Variants in ZKSCAN4 observed in about 807,000 individuals in gnomAD.
ZKSCAN4 encodes the protein zinc finger with KRAB and SCAN domains 4.
ZKSCAN4 carries 23 observed loss-of-function variants against 30.8 expected under a neutral mutation model. That is an observed-to-expected ratio of 0.75 (90% CI 0.54 to 1.06). ZKSCAN4 has a LOEUF of 1.06. Among genes scored for constraint, ZKSCAN4 ranks in the 50% least tolerant of loss-of-function variants. The probability of loss-of-function intolerance (pLI) is 0.00; values close to 1 mark genes in which losing one functional copy is unlikely to be tolerated. For synonymous variants in ZKSCAN4, 208 were observed against 252.5 expected, an observed-to-expected ratio of 0.82 and a Z score of 1.67; for missense variants, 556 against 665.4, an observed-to-expected ratio of 0.84 and a Z score of 1.81.
In ZKSCAN4 at chr6:28,245,125, AAG is replaced by A; in HGVS notation, c.1627_1628del (p.Leu543PhefsTer19). 2 of 1,611,908 alleles carry A rather than the reference AAG, an allele frequency of 1.2e-6. No homozygotes were observed. Among genetic ancestry groups the A allele is most frequent in the Non-Finnish European group, 1.7e-6 (2 of 1,178,928 alleles). On this transcript the variant is annotated frameshift_variant, in exon 5 of 5. Transcript: ENST00000377294. LOFTEE classifies it high-confidence loss of function. The part of the protein sequence containing the change: ...HQRSHVGKKT[L>X]SQ ...GCATGAATACCATGGGTCACTGTGAAAGAGTTTTTTTCCCTACATGGCTTCTC... is the reference window on the plus strand; with the variant it reads ...GCATGAATACCATGGGTCACTGTGAAAGTTTTTTTCCCTACATGGCTTCTC...
intron 2 of ZKSCAN4, among the ~76,000 whole-genome samples, chr6:28,248,826 CAA>C (rs1208495527): frequency 2.2e-4 from 11 of 51,012 alleles, no homozygotes; most frequent in Admixed American, 8.6e-4. Flanking sequence ...ACCCCCATCT[CAA>C]AAAAAAAAAA....
intron 3 of ZKSCAN4, 44 bp from the exon 4 acceptor site, chr6:28,247,136 T>G: frequency 6.5e-7 from 1 of 1,532,620 alleles, no homozygotes; most frequent in Non-Finnish European, 8.8e-7. Context: ...TGCCCAAAAT[T>G]ACCCCCAAAG....
rs1314934249 is a variant in ZKSCAN4, at chr6:28,249,152, A to AT, written c.571+534dup. 2.0e-5 allele frequency among the ~76,000 whole-genome samples: 3 copies of AT among 152,018 alleles called. No homozygotes were observed. The highest frequency in any genetic ancestry group is 7.3e-5 in the African/African-American group (3 of 41,370). On this transcript the variant is annotated intron_variant, in intron 2 of 4. Coordinates refer to ENST00000377294, the MANE Select transcript of ZKSCAN4 (RefSeq NM_019110.5). This position sits in a 1 kb window ranked among gnomAD's most constrained non-coding sequence, Gnocchi z 4.1. ...ACACACAGCTGCTTCCTATTAAGTG[A>AT]TTTTCACTCTTCTAGTCACAGGCTT...
intron 3 of ZKSCAN4, 47 bp from the exon 4 acceptor site, chr6:28,247,139 C>T (rs761805082): frequency 9.2e-6 from 14 of 1,526,556 alleles, no homozygotes; most frequent in Non-Finnish European, 8.8e-6. Context: ...CCAAAATTAC[C>T]CCCAAAGCAA....
intron 4 of ZKSCAN4, among the ~76,000 whole-genome samples, chr6:28,246,417 G>A (rs901992429): frequency 1.4e-4 from 22 of 152,080 alleles, no homozygotes; most frequent in African/African-American, 4.3e-4. Context: ...GACATGGACC[G>A]TCATCTCTAA....
chr6:28,255,574 G>A (rs1761152155), upstream of ZKSCAN4, among the ~76,000 whole-genome samples: 1 of 152,064 alleles, frequency 6.6e-6, no homozygotes, highest in South Asian at 2.1e-4. Context: ...ATACTTGCAA[G>A]TCATGACAAG....
At chr6:28,248,966 G>C (rs190809075) in intron 2 of ZKSCAN4, among the ~76,000 whole-genome samples, 39 of 152,296 alleles carry the variant, frequency 2.6e-4, no homozygotes, top group Middle Eastern at 6.8e-3. Flanking sequence ...AGAAACCTTA[G>C]GTTTCCCTAC....
upstream of ZKSCAN4, among the ~76,000 whole-genome samples, chr6:28,252,806 C>G (rs561210957): frequency 3.0e-4 from 45 of 152,252 alleles, no homozygotes; most frequent in Non-Finnish European, 6.0e-4. Context: ...CCCCCACTCA[C>G]CACTTTGCAC....
rs1181439555 is a variant in ZKSCAN4, at chr6:28,251,282, T to C, written c.423+276A>G. On this transcript the variant is annotated intron_variant, in intron 1 of 4. Coordinates refer to ENST00000377294, the MANE Select transcript of ZKSCAN4 (RefSeq NM_019110.5). This position sits in a 1 kb window ranked among gnomAD's most constrained non-coding sequence, Gnocchi z 4.5. ...TAGGTCTTATTATTTAGTGCAGTAA[T>C]AAAAATCCACATATATGACTTTAAT... 2.6e-5 allele frequency among the ~76,000 whole-genome samples: 4 copies of C among 152,212 alleles called. No individual in the cohort carries two copies. The highest frequency in any genetic ancestry group is 9.6e-5 in the African/African-American group (4 of 41,454).
In ZKSCAN4 at chr6:28,245,132, T is replaced by G. The variant is rs1326133623; in HGVS notation, c.1622A>C (p.Lys541Thr). 1 of 1,613,868 alleles carries G rather than the reference T, an allele frequency of 6.2e-7. No individual in the cohort carries two copies. The highest frequency in any genetic ancestry group is 1.3e-5 in the African/African-American group (1 of 74,890). Residue 541 changes from lysine (K) to threonine (T), a missense_variant, in exon 5 of 5, where the codon AAA becomes ACA. Lys to Thr is a moderately conservative substitution (Grantham distance 78). Transcript: ENST00000377294. Reference protein sequence around the residue: ...VQHQRSHVGKKTLSQ With the variant: ...VQHQRSHVGKTTLSQ ...TACCATGGGTCACTGTGAAAGAGTT[T>G]TTTTCCCTACATGGCTTCTCTGATG...
chr6:28,245,698 G>A lies in ZKSCAN4; in HGVS notation c.1056C>T (p.Asp352=), dbSNP rs147494561. 7.4e-6 allele frequency: 12 copies of A among 1,613,518 alleles called. No individual in the cohort carries two copies. The African/African-American group carries it at 1.5e-4, about 20-fold the overall frequency. Residue 352 remains aspartate (D), a synonymous_variant, in exon 5 of 5, where the codon GAC becomes GAT. Coordinates refer to ENST00000377294, the MANE Select transcript of ZKSCAN4 (RefSeq NM_019110.5). ...HTGEKPYECE[D]CGKTFIGSSA... is the part of the protein sequence containing the mutation. ...AGCTCCCAATGAAGGTCTTTCCACAGTCTTCACATTCATAGGGTTTCTCAC... is the reference window on the plus strand; with the variant it reads ...AGCTCCCAATGAAGGTCTTTCCACAATCTTCACATTCATAGGGTTTCTCAC...
Position 28,249,508 on chromosome 6 carries a change from G to T in ZKSCAN4, c.571+179C>A, listed in dbSNP as rs1461551362. On this transcript the variant is annotated intron_variant, in intron 2 of 4. Coordinates refer to ENST00000377294, the MANE Select transcript of ZKSCAN4 (RefSeq NM_019110.5). This position sits in a 1 kb window ranked among gnomAD's most constrained non-coding sequence, Gnocchi z 4.1. ...ATTTTAATAAAATCAGATTTACTAT[G>T]TCCTAGTTTGGTTAGGAAAGTTTTT... Among the ~76,000 whole-genome samples, 1 of 152,090 alleles carries T rather than the reference G, an allele frequency of 6.6e-6. No individual in the cohort carries two copies. The highest frequency in any genetic ancestry group is 1.5e-5 in the Non-Finnish European group (1 of 68,008).
chr6:28,244,922 C>T lies in ZKSCAN4; in HGVS notation c.*194G>A, dbSNP rs902152550. On this transcript the variant is annotated 3_prime_UTR_variant, in exon 5 of 5. Coordinates refer to ENST00000377294, the MANE Select transcript of ZKSCAN4 (RefSeq NM_019110.5). ...AGACCACTCTCCCATGGCCTCTTATCAAATGACTTCTTCCAATCACTTTCT... is the reference window on the plus strand; with the variant it reads ...AGACCACTCTCCCATGGCCTCTTATTAAATGACTTCTTCCAATCACTTTCT... 1.4e-5 allele frequency: 11 copies of T among 762,646 alleles called. No individual in the cohort carries two copies. The African/African-American group carries it at 1.9e-4, about 13-fold the overall frequency. The allele number at this position is 762,646 out of a possible 1,614,324, so 47.2% of individuals were successfully genotyped here.
chr6:28,255,572 A>C (rs1247083678), upstream of ZKSCAN4, among the ~76,000 whole-genome samples: 2 of 152,186 alleles, frequency 1.3e-5, no homozygotes, highest in African/African-American at 4.8e-5. Context: ...CAATACTTGC[A>C]AGTCATGACA....
chr6:28,258,723 G>C, the ZKSCAN4 span, among the ~76,000 whole-genome samples: 1 of 150,724 alleles, frequency 6.6e-6, no homozygotes, highest in Admixed American at 6.6e-5. Flanking sequence ...AGCCATGATC[G>C]TGCCACTGCA....
chr6:28,249,981 A>G lies in ZKSCAN4; in HGVS notation c.424-147T>C, dbSNP rs756989130. ...ACAACCCTGTGAGCTATTATTTTGG[A>G]TTTTTATGATAAGTTGCTGAAAACG... On this transcript the variant is annotated intron_variant, in intron 1 of 4. Transcript: ENST00000377294. The surrounding 1 kb of genome is among the most constrained non-coding windows in gnomAD (Gnocchi z 4.1). 7.6e-6 allele frequency: 7 copies of G among 925,564 alleles called. No individual in the cohort carries two copies. The highest frequency in any genetic ancestry group is 9.4e-6 in the Non-Finnish European group (6 of 635,108). The allele number at this position is 925,564 out of a possible 1,614,324, so 57.3% of individuals were successfully genotyped here. A position where few individuals can be genotyped will look rare whatever the true frequency, so the allele number is the denominator to read the frequency against.
rs1434803842 is a variant in ZKSCAN4, at chr6:28,251,535, G to A, written c.423+23C>T. 3 of 1,614,180 alleles carry A rather than the reference G, an allele frequency of 1.9e-6. No individual in the cohort carries two copies. Among genetic ancestry groups the A allele is most frequent in the Non-Finnish European group, 2.5e-6 (3 of 1,180,026 alleles). On this transcript the variant is annotated intron_variant, in intron 1 of 4. Coordinates refer to ENST00000377294, the MANE Select transcript of ZKSCAN4 (RefSeq NM_019110.5). The surrounding 1 kb of genome is among the most constrained non-coding windows in gnomAD (Gnocchi z 4.5). Reference sequence around the variant, plus strand: ...AGGAGGAAACAGACCACAGCGCTCAGATACTAAACCTGTTCTTTCTACCTG... The same window carrying A: ...AGGAGGAAACAGACCACAGCGCTCAAATACTAAACCTGTTCTTTCTACCTG...
upstream of ZKSCAN4, among the ~76,000 whole-genome samples, chr6:28,255,294 T>G (rs933023708): frequency 5.9e-5 from 9 of 152,252 alleles, no homozygotes; most frequent in Admixed American, 1.3e-4. Context: ...CTCATAGGGG[T>G]TTGAGGTCCT....
At chr6:28,258,065 G>T in the ZKSCAN4 span, among the ~76,000 whole-genome samples, 1 of 152,244 alleles carries the variant, frequency 6.6e-6, no homozygotes, top group South Asian at 2.1e-4. Flanking sequence ...TATAATTTAT[G>T]TATGGAACCA....
Sources: gnomAD v4.1 joint callset for allele counts (sites outside exome capture counted in the v4.1 genomes callset) on GRCh38, gnomAD v4.1.1 for gene constraint, Gnocchi (gnomAD v3.1) non-coding constraint, MANE v1.5 for transcripts, NCBI Gene and HGNC (gene_info 2026-07-23, HGNC 2026-07-21) for gene names.